EXOC3L4: variants seen among roughly 807,000 people sequenced by gnomAD.
The protein encoded by EXOC3L4 is exocyst complex component 3 like 4, also known as exocyst complex component 3-like protein 4.
EXOC3L4 carries 62 observed loss-of-function variants against 69.7 expected under a neutral mutation model. The observed-to-expected ratio is 0.89, with a 90% CI of 0.72 to 1.10. The LOEUF (loss-of-function observed/expected upper bound fraction) is 1.10, where lower values mean the gene tolerates loss of function less well. Among genes scored for constraint, EXOC3L4 ranks in the 50% least tolerant of loss-of-function variants. The pLI, the probability that EXOC3L4 is intolerant of heterozygous loss-of-function variation, is 0.00. For synonymous variants in EXOC3L4, 502 were observed against 464.2 expected (o/e 1.08, Z -1.05); for missense variants, 1,087 against 1,034.8 (o/e 1.05, Z -0.69).
Position 103,098,609 on chromosome 14 carries a change from T to C in EXOC3L4, c.-16-1595T>C, listed in dbSNP as rs1389777468. 3.9e-5 allele frequency: 6 copies of C among 152,274 alleles called. No individual in the cohort carries two copies. In the East Asian group the frequency reaches 5.8e-4, roughly 15 times the overall value. 9.4% of individuals were successfully genotyped at this position (152,274 alleles called of 1,614,324 possible). On this transcript the variant is annotated intron_variant, in intron 1 of 11. Coordinates refer to ENST00000688303, the MANE Select transcript of EXOC3L4 (RefSeq NM_001077594.2). ...CTTCCCCACATCCCCGCCTCCGTCCTCTTGACAGCGGTGGATGCAGCATGT... is the reference window on the plus strand; with the variant it reads ...CTTCCCCACATCCCCGCCTCCGTCCCCTTGACAGCGGTGGATGCAGCATGT...
In EXOC3L4 at chr14:103,103,962, G is replaced by C. The variant is rs920874267; in HGVS notation, c.1071G>C (p.Pro357=). The change falls in exon 4 of 12, where the codon CCG becomes CCC. Residue 357 remains proline, a synonymous_variant. Coordinates refer to ENST00000688303, the MANE Select transcript of EXOC3L4 (RefSeq NM_001077594.2). ...VYGSPDFLGA[P]GLALPAEPLP... Reference sequence around the variant, plus strand: ...CCAGTCCTGACTTCCTGGGCGCCCCGGGGCTGGCGCTGCCCGCCGAGCCGC... The same window carrying C: ...CCAGTCCTGACTTCCTGGGCGCCCCCGGGCTGGCGCTGCCCGCCGAGCCGC... 6.5e-6 allele frequency: 10 copies of C among 1,547,814 alleles called. No individual in the cohort carries two copies. The highest frequency in any genetic ancestry group is 8.7e-6 in the Non-Finnish European group (10 of 1,152,408).
chr14:103,106,057 G>A (rs1323019133), intron 7 of EXOC3L4, among the ~76,000 whole-genome samples: 2 of 152,230 alleles, frequency 1.3e-5, no homozygotes, highest in Non-Finnish European at 1.5e-5. Flanking sequence ...ACTTCTCAGT[G>A]CCAGGCACTT....
Position 103,102,449 on chromosome 14 carries a change from C to T in EXOC3L4, c.726C>T (p.Arg242=), listed in dbSNP as rs751608160. 3.8e-4 allele frequency: 574 copies of T among 1,499,648 alleles called. 2 individuals are homozygous for T. Among genetic ancestry groups the T allele is most frequent in the Non-Finnish European group, 3.0e-4 (339 of 1,133,720 alleles). The allele number at this position is 1,499,648 out of a possible 1,614,324, so 92.9% of individuals were successfully genotyped here. The change falls in exon 3 of 12, where the codon CGC becomes CGT. Residue 242 remains arginine (R), a synonymous_variant. Transcript: ENST00000688303. ...GDFLRTPRRW[R]QHWEEAVRRS... is the part of the protein sequence containing the mutation. ...TCCTGCGCACGCCGCGCCGCTGGCGCCAGCACTGGGAGGAGGCGGTGCGGC... is the reference window on the plus strand; with the variant it reads ...TCCTGCGCACGCCGCGCCGCTGGCGTCAGCACTGGGAGGAGGCGGTGCGGC...
chr14:103,102,319 A>G lies in EXOC3L4; in HGVS notation c.596A>G (p.Glu199Gly), dbSNP rs1214826876. 1.9e-6 allele frequency: 3 copies of G among 1,568,108 alleles called. No individual in the cohort carries two copies. Among genetic ancestry groups the G allele is most frequent in the Non-Finnish European group, 2.6e-6 (3 of 1,163,146 alleles). ...LAAEIGAIVR[E>G]TLDSDGVDAA... ...GCCGAGATCGGCGCCATCGTGCGCGAGACGCTGGACAGCGACGGTGTGGAC... is the reference window on the plus strand; with the variant it reads ...GCCGAGATCGGCGCCATCGTGCGCGGGACGCTGGACAGCGACGGTGTGGAC... Residue 199 changes from glutamate to glycine, a missense_variant, in exon 3 of 12, where the codon GAG (glutamate) becomes GGG (glycine). By Grantham distance (98) the Glu-to-Gly change is moderately conservative. Coordinates refer to ENST00000688303, the MANE Select transcript of EXOC3L4 (RefSeq NM_001077594.2).
In EXOC3L4 at chr14:103,102,303, G is replaced by C. The variant is rs868418936; in HGVS notation, c.580G>C (p.Gly194Arg). 6 of 1,571,498 alleles carry C rather than the reference G, an allele frequency of 3.8e-6. No individual in the cohort carries two copies. The highest frequency in any genetic ancestry group is 5.2e-6 in the Non-Finnish European group (6 of 1,164,404). ...LLYDGLAAEI[G>R]AIVRETLDSD... ...TTACGACGGGCTGGCAGCCGAGATC[G>C]GCGCCATCGTGCGCGAGACGCTGGA... Residue 194 changes from glycine to arginine, a missense_variant, in exon 3 of 12, where the codon GGC becomes CGC. Physicochemically the swap from Gly to Arg is moderately radical, Grantham distance 125. Transcript: ENST00000688303.
At chr14:103,101,529 C>T (rs1408971239) in intron 2 of EXOC3L4, among the ~76,000 whole-genome samples, 1 of 152,206 alleles carries the variant, frequency 6.6e-6, no homozygotes, top group Non-Finnish European at 1.5e-5. Flanking sequence ...CATGGCCTTT[C>T]ACAGCCTGGC....
In EXOC3L4 at chr14:103,097,298, C is replaced by T. The variant is rs566055878; in HGVS notation, c.-17+2458C>T. Among the ~76,000 whole-genome samples the T allele has an allele frequency of 5.3e-5, 8 of 152,098 alleles. No homozygotes were observed. The highest frequency in any genetic ancestry group is 8.8e-5 in the Non-Finnish European group (6 of 68,008). On this transcript the variant is annotated intron_variant, in intron 1 of 11. Coordinates refer to ENST00000688303, the MANE Select transcript of EXOC3L4 (RefSeq NM_001077594.2). The surrounding 1 kb of genome is among the most constrained non-coding windows in gnomAD (Gnocchi z 4.9). ...GGAGAGTGGGACCCGGGGCTCAGGC[C>T]GGGCGTCAGTCTCTGGGGCCTTGCA...
chr14:103,094,193 C>T (rs1346055597), upstream of EXOC3L4, among the ~76,000 whole-genome samples: 1 of 152,172 alleles, frequency 6.6e-6, no homozygotes, highest in Non-Finnish European at 1.5e-5. Context: ...TGTGTCCTGT[C>T]TGTCCCTAGG....
chr14:103,103,370 AAGAAAG>A (rs1375636369), intron 3 of EXOC3L4, among the ~76,000 whole-genome samples: 1 of 148,700 alleles, frequency 6.7e-6, no homozygotes, highest in African/African-American at 2.5e-5. Context: ...AAAAAAAAAA[AAGAAAG>A]AAAGAAAGAA....
chr14:103,102,460 A>G lies in EXOC3L4; in HGVS notation c.737A>G (p.Glu246Gly). ...RTPRRWRQHWEEAVRRSAQER... is the reference protein window; with the variant it reads ...RTPRRWRQHWGEAVRRSAQER... ...CCGCGCCGCTGGCGCCAGCACTGGG[A>G]GGAGGCGGTGCGGCGAAGCGCTCAG... is the stretch of plus-strand genomic sequence containing the variant. The change falls in exon 3 of 12, where the codon GAG becomes GGG. Residue 246 changes from glutamate to glycine, a missense_variant. Coordinates refer to ENST00000688303, the MANE Select transcript of EXOC3L4 (RefSeq NM_001077594.2). The G allele has an allele frequency of 6.8e-7, 1 of 1,464,038 alleles. No individual in the cohort carries two copies. The highest frequency in any genetic ancestry group is 8.9e-7 in the Non-Finnish European group (1 of 1,119,600). 90.7% of individuals were successfully genotyped at this position (1,464,038 alleles called of 1,614,324 possible).
intron 1 of EXOC3L4, among the ~76,000 whole-genome samples, chr14:103,096,817 G>A (rs1320380521): frequency 6.6e-6 from 1 of 152,222 alleles, no homozygotes; most frequent in Non-Finnish European, 1.5e-5. Flanking sequence ...AGATTCTTAT[G>A]ACTGATCCGA....
At chr14:103,105,912 T>C (rs1490384131) in intron 7 of EXOC3L4, among the ~76,000 whole-genome samples, 2 of 152,242 alleles carry the variant, frequency 1.3e-5, no homozygotes, top group Non-Finnish European at 2.9e-5. Context: ...CTGCTGGCTG[T>C]GTGCTCCGGG....
At position 103,100,418 on chromosome 14, in the gene EXOC3L4, C is replaced by A; in HGVS notation, c.199C>A (p.Gln67Lys). Residue 67 changes from glutamine (Q) to lysine (K), a missense_variant, in exon 2 of 12, where the codon CAG becomes AAG. Physicochemically the swap from Gln to Lys is moderately conservative, Grantham distance 53. Coordinates refer to ENST00000688303, the MANE Select transcript of EXOC3L4 (RefSeq NM_001077594.2). ...CCGGGCCAGCCAGCGGGCTTTGACC[C>A]AGGTCTCCAAGGAAGATACGGGCCT... ...FSRASQRALT[Q>K]VSKEDTGLFR... 6.2e-7 allele frequency: 1 copy of A among 1,612,900 alleles called. No individual in the cohort carries two copies. Among genetic ancestry groups the A allele is most frequent in the East Asian group, 2.2e-5 (1 of 44,872 alleles).
intron 5 of EXOC3L4, 59 bp from the exon 6 acceptor site, chr14:103,104,679 G>A: frequency 2.2e-6 from 3 of 1,380,242 alleles, no homozygotes; most frequent in Non-Finnish European, 2.8e-6. Context: ...GCTACCAGGG[G>A]ACCCGCGGCC....
rs545706151 is a variant in EXOC3L4 at position 103,099,624 on chromosome 14, C to T, written c.-16-580C>T. On this transcript the variant is annotated intron_variant, in intron 1 of 11. Transcript: ENST00000688303. The stretch of plus-strand genomic sequence containing the variant: ...GCCCTCAGGCCCCACACCTCCTCGG[C>T]GGGCTCTGTGACACCCAGGGAAGGG... Among the ~76,000 whole-genome samples, 496 of 152,336 alleles carry T rather than the reference C, an allele frequency of 3.3e-3. 3 individuals are homozygous for T. The highest frequency in any genetic ancestry group is 4.8e-3 in the Non-Finnish European group (325 of 68,020).
Position 103,108,456 on chromosome 14 carries a change from A to G in EXOC3L4, c.1915A>G (p.Thr639Ala). Residue 639 changes from threonine to alanine, a missense_variant, in exon 11 of 12, where the codon ACC becomes GCC. By Grantham distance (58) the Thr-to-Ala change is moderately conservative. Coordinates refer to ENST00000688303, the MANE Select transcript of EXOC3L4 (RefSeq NM_001077594.2). ...IQCVAEILGE[T>A]YKDDIQRHLE... ...GTGCGTGGCTGAGATCCTGGGCGAG[A>G]CCTACAAAGATGACATCCAGCGGCA... The G allele has an allele frequency of 6.2e-7, 1 of 1,613,872 alleles. No homozygotes were observed. Among genetic ancestry groups the G allele is most frequent in the Non-Finnish European group, 8.5e-7 (1 of 1,179,884 alleles).
At chr14:103,099,593 G>C (rs1890061628) in intron 1 of EXOC3L4, among the ~76,000 whole-genome samples, 1 of 152,230 alleles carries the variant, frequency 6.6e-6, no homozygotes, top group African/African-American at 2.4e-5. Context: ...GGTGGCCTTG[G>C]CCACTGCCCT....
chr14:103,101,775 C>A (rs186406425), intron 2 of EXOC3L4, among the ~76,000 whole-genome samples: 6 of 152,194 alleles, frequency 3.9e-5, no homozygotes, highest in Admixed American at 6.5e-5. Context: ...GAGCTCCGAC[C>A]CTATTAGACC....
At chr14:103,108,887 C>T (rs1440367845) in intron 11 of EXOC3L4, among the ~76,000 whole-genome samples, 1 of 152,038 alleles carries the variant, frequency 6.6e-6, no homozygotes, top group African/African-American at 2.4e-5. Context: ...GGTGAGTCAT[C>T]CAAGCCTTTG....
Sources: gnomAD v4.1 joint callset for allele counts (sites outside exome capture counted in the v4.1 genomes callset) on GRCh38, gnomAD v4.1.1 for gene constraint, Gnocchi (gnomAD v3.1) non-coding constraint, MANE v1.5 for transcripts, NCBI Gene and HGNC (gene_info 2026-07-23, HGNC 2026-07-21) for gene names.